CUBN: variants seen among roughly 807,000 people sequenced by gnomAD.
CUBN encodes 460 kDa receptor.
CUBN carries 282 observed loss-of-function variants against 405.3 expected under a neutral mutation model. The observed-to-expected ratio is 0.70, with a 90% confidence interval of 0.63 to 0.77. CUBN has a LOEUF of 0.77. Ranked by LOEUF, CUBN falls within the 30% of genes least tolerant of loss-of-function variation. CUBN has a pLI of 0.00. For missense variants in CUBN, 4,514 were observed against 4,475.2 expected (o/e 1.01, Z -0.25); for synonymous variants, 1,684 against 1,617.0 (o/e 1.04, Z -0.99).
intron 28 of CUBN, among the ~76,000 whole-genome samples, chr10:16,996,078 C>T (rs755924639): frequency 7.2e-5 from 11 of 152,174 alleles, no homozygotes; most frequent in Non-Finnish European, 1.5e-4. Context: ...AGAACTTCAG[C>T]TCAAAGGCAC....
chr10:16,986,302 C>A (rs1833420692), intron 29 of CUBN, among the ~76,000 whole-genome samples: 1 of 145,912 alleles, frequency 6.9e-6, no homozygotes, highest in East Asian at 2.3e-4. Context: ...GGACACTCTG[C>A]CCCCATTCCT....
chr10:16,995,922 G>C (rs7095468), intron 28 of CUBN, among the ~76,000 whole-genome samples: 1 of 152,130 alleles, frequency 6.6e-6, no homozygotes, highest in Admixed American at 6.5e-5. Flanking sequence ...CATTGTAGAG[G>C]TGAGCAAAGT....
chr10:17,124,772 C>A (rs1042812018), intron 4 of CUBN, among the ~76,000 whole-genome samples: 3 of 151,570 alleles, frequency 2.0e-5, no homozygotes, highest in African/African-American at 7.3e-5. Context: ...GCAATGATGG[C>A]CACTTTATGA....
chr10:16,894,455 G>A (rs904002367), intron 54 of CUBN, among the ~76,000 whole-genome samples: 1 of 151,936 alleles, frequency 6.6e-6, no homozygotes, highest in Non-Finnish European at 1.5e-5. Context: ...ACCATTTGTT[G>A]AAAAAACCAT....
At chr10:16,894,525 G>T (rs1426436659) in intron 54 of CUBN, among the ~76,000 whole-genome samples, 1 of 152,198 alleles carries the variant, frequency 6.6e-6, no homozygotes, top group African/African-American at 2.4e-5. Context: ...ATGTTTGTGT[G>T]AGTGTATTTC....
At chr10:16,829,328 T>A in intron 65 of CUBN, among the ~76,000 whole-genome samples, 2 of 134,040 alleles carry the variant, frequency 1.5e-5, no homozygotes, top group African/African-American at 3.0e-5. Context: ...AAATTGGGGG[T>A]TGAGAGCAGA....
intron 27 of CUBN, among the ~76,000 whole-genome samples, chr10:17,028,818 G>A (rs983892839): frequency 1.3e-5 from 2 of 152,110 alleles, no homozygotes; most frequent in Non-Finnish European, 2.9e-5. Context: ...ACAAAATTCT[G>A]TAATGTTGCA....
intron 49 of CUBN, 73 bp downstream of exon 49, chr10:16,907,435 C>T: frequency 6.8e-7 from 1 of 1,460,338 alleles, no homozygotes; most frequent in Non-Finnish European, 9.6e-7. Context: ...GGCTCTGCTG[C>T]CATTGGCAGT....
intron 26 of CUBN, 88 bp downstream of exon 26, chr10:17,043,739 T>G: frequency 2.5e-6 from 4 of 1,572,744 alleles, no homozygotes; most frequent in Admixed American, 3.3e-5. Context: ...GTATACATAC[T>G]TACTCTGCCA....
At chr10:17,007,221 T>G (rs7901365) in intron 28 of CUBN, among the ~76,000 whole-genome samples, 1 of 139,694 alleles carries the variant, frequency 7.2e-6, no homozygotes, top group Non-Finnish European at 1.5e-5. Flanking sequence ...CCTCCAAGGC[T>G]GAATTCAGCC....
intron 12 of CUBN, 65 bp from the exon 13 acceptor site, chr10:17,103,302 A>T: frequency 3.1e-6 from 3 of 957,266 alleles, no homozygotes; most frequent in Non-Finnish European, 5.1e-6. Flanking sequence ...GGGCAACTGT[A>T]ACCCTGCTGC....
intron 60 of CUBN, among the ~76,000 whole-genome samples, chr10:16,845,554 G>A (rs72771373): frequency 0.051 from 7,773 of 152,294 alleles, 219 homozygotes; most frequent in Non-Finnish European, 0.063. Context: ...CTGGGAAAAA[G>A]CCACAAAGAA....
At chr10:17,074,101 T>A (rs1378097202) in intron 17 of CUBN, among the ~76,000 whole-genome samples, 1 of 152,222 alleles carries the variant, frequency 6.6e-6, no homozygotes, top group African/African-American at 2.4e-5. Context: ...TTCATTCACT[T>A]CATTAACATT....
At chr10:16,840,858 C>G (rs1402729618) in intron 61 of CUBN, 27 bp downstream of exon 61, 1 of 1,578,012 alleles carries the variant, frequency 6.3e-7, no homozygotes. Flanking sequence ...TATTTCATAA[C>G]ATATAAAAAT....
chr10:17,008,429 C>CGTGTGTGTGTGT (rs59235819), intron 28 of CUBN, among the ~76,000 whole-genome samples: 2,389 of 131,516 alleles, frequency 0.018, 35 homozygotes, highest in Non-Finnish European at 0.028. Flanking sequence ...AATCCCTGCT[C>CGTGTGTGTGTGT]GTGTGTGTGT....
chr10:16,975,947 C>T (rs1223267207), intron 31 of CUBN, among the ~76,000 whole-genome samples: 1 of 148,736 alleles, frequency 6.7e-6, no homozygotes, highest in Non-Finnish European at 1.5e-5. Flanking sequence ...TCTTTTGCTT[C>T]AATATTTATT....
intron 56 of CUBN, among the ~76,000 whole-genome samples, chr10:16,883,030 A>AAAGGAAGGAAGGAAAAAG: frequency 6.6e-6 from 1 of 151,412 alleles, no homozygotes; most frequent in African/African-American, 2.4e-5. Flanking sequence ...AAAAGAAAAG[A>AAAGGAAGGAAGGAAAAAG]AAGGAAGGAA....
In CUBN at chr10:16,955,146, G is replaced by T. The variant is rs540174532; in HGVS notation, c.4696-598C>A. On this transcript the variant is annotated intron_variant, in intron 31 of 66. Transcript: ENST00000377833. ...AGCACTTTGGGAGGCTGAGGCGGGT[G>T]GATCACCTGAGGTCAGGAGTTCAAG... Among the ~76,000 whole-genome samples the T allele has an allele frequency of 3.9e-5, 6 of 152,044 alleles. No individual in the cohort carries two copies. In the East Asian group the frequency reaches 1.2e-3, roughly 29 times the overall value.
chr10:17,093,536 T>C (rs1836309963), intron 14 of CUBN, among the ~76,000 whole-genome samples: 1 of 152,032 alleles, frequency 6.6e-6, no homozygotes, highest in African/African-American at 2.4e-5. Context: ...TGAATGAAAG[T>C]GATCTGCCAG....
Sources: allele counts gnomAD v4.1 joint callset (sites outside exome capture counted in the v4.1 genomes callset), GRCh38; gene constraint gnomAD v4.1.1; transcripts MANE v1.5; gene names NCBI Gene and HGNC (gene_info 2026-07-23, HGNC 2026-07-21).